The following MIPEP variants were observed in gnomAD, a reference collection of about 807,000 sequenced individuals.
MIPEP encodes mitochondrial intermediate peptidase.
Under a neutral mutation model 90.3 loss-of-function variants are expected in MIPEP, and 79 were observed. The ratio of observed to expected loss-of-function variants is 0.87; its 90% CI spans 0.73 to 1.05. The LOEUF (loss-of-function observed/expected upper bound fraction) is 1.05. Ranked by LOEUF, MIPEP falls within the 50% of genes least tolerant of loss-of-function variation. MIPEP has a pLI of 0.00. For missense variants in MIPEP, 940 were observed against 905.6 expected, an observed-to-expected ratio of 1.04 and a Z score of -0.49; for synonymous variants, 334 against 315.8, an observed-to-expected ratio of 1.06 and a Z score of -0.61.
At chr13:23,764,072 T>C (rs1310128579) in intron 16 of MIPEP, among the ~76,000 whole-genome samples, 4 of 152,232 alleles carry the variant, frequency 2.6e-5, no homozygotes, top group South Asian at 2.1e-4. Context: ...TAAGGGATAT[T>C]TGTCAGATGG....
In MIPEP at chr13:23,803,859, CTT is replaced by C. The variant is rs139217522; in HGVS notation, c.1848+2089_1848+2090del. Among the ~76,000 whole-genome samples the C allele has an allele frequency of 6.6e-5, 10 of 151,990 alleles. 1 individual carries two copies. ...ACAAATCTAAACAAACTCTCAGACA[CTT>C]TTTTTTAAAGGCAAGCCTTAAAATA... On this transcript the variant is annotated intron_variant, in intron 16 of 18. Coordinates refer to ENST00000382172, the MANE Select transcript of MIPEP (RefSeq NM_005932.4).
Position 23,866,544 on chromosome 13 carries a change from A to T in MIPEP, c.944-2355T>A, listed in dbSNP as rs1318823640. ...ACCTGGCCACAGCATGAGTCAGCTG[A>T]TCTCTCCCCTCTCCTGTAGACAGAC... is the stretch of plus-strand genomic sequence containing the variant. On this transcript the variant is annotated intron_variant, in intron 7 of 18. Coordinates refer to ENST00000382172, the MANE Select transcript of MIPEP (RefSeq NM_005932.4). Among the ~76,000 whole-genome samples the T allele has an allele frequency of 3.3e-5, 5 of 151,974 alleles. No homozygotes were observed. In the East Asian group the frequency reaches 9.7e-4, roughly 29 times the overall value.
At chr13:23,737,471 C>T (rs900200446) in intron 18 of MIPEP, among the ~76,000 whole-genome samples, 1 of 152,118 alleles carries the variant, frequency 6.6e-6, no homozygotes, top group African/African-American at 2.4e-5. Flanking sequence ...CAAACAGTAG[C>T]CTTCACATAT....
At chr13:23,841,513 C>T (rs772876640) in intron 10 of MIPEP, 25 bp from the exon 11 acceptor site, 6 of 1,573,588 alleles carry the variant, frequency 3.8e-6, no homozygotes, top group South Asian at 1.2e-5. Context: ...AGAGGTTCAA[C>T]AGCATCTTTG....
chr13:23,780,944 A>T (rs1952775872), intron 16 of MIPEP, among the ~76,000 whole-genome samples: 2 of 152,186 alleles, frequency 1.3e-5, no homozygotes, highest in Non-Finnish European at 2.9e-5. Context: ...CCAAGAAATA[A>T]GGGACTATGC....
At chr13:23,867,493 T>G (rs1285681910) in intron 7 of MIPEP, among the ~76,000 whole-genome samples, 1 of 152,142 alleles carries the variant, frequency 6.6e-6, no homozygotes, top group Non-Finnish European at 1.5e-5. Flanking sequence ...CCCTGTTCAG[T>G]TTTCTCCATG....
intron 14 of MIPEP, among the ~76,000 whole-genome samples, chr13:23,815,617 AT>A: frequency 6.6e-6 from 1 of 152,098 alleles, no homozygotes; most frequent in South Asian, 2.1e-4. Context: ...CCTATTTTTA[AT>A]TTTTTTCATT....
chr13:23,790,486 T>C (rs1211829655), intron 16 of MIPEP, among the ~76,000 whole-genome samples: 1 of 152,206 alleles, frequency 6.6e-6, no homozygotes, highest in Non-Finnish European at 1.5e-5. Context: ...GCAGATGTGA[T>C]TAAGCTAAAG....
chr13:23,836,176 C>A, intron 14 of MIPEP, 64 bp downstream of exon 14: 1 of 1,011,526 alleles, frequency 9.9e-7, no homozygotes, highest in South Asian at 1.8e-5. Context: ...TCAATTTATC[C>A]AGGATGTCAT....
intron 9 of MIPEP, 41 bp from the exon 10 acceptor site, chr13:23,858,953 C>A: frequency 6.4e-7 from 1 of 1,567,610 alleles, no homozygotes. Context: ...GCTACTGACT[C>A]TTTCATAGTT....
In MIPEP at chr13:23,770,597, C is replaced by A. The variant is rs141099892; in HGVS notation, c.1849-10380G>T. Among the ~76,000 whole-genome samples the A allele has an allele frequency of 3.6e-3, 542 of 152,110 alleles. 3 individuals are homozygous for A. Among genetic ancestry groups the A allele is most frequent in the African/African-American group, 0.012 (515 of 41,490 alleles). The stretch of plus-strand genomic sequence containing the variant: ...AATCAGGGCCTAACTCCCCTGCCTG[C>A]CAGCTTGGCCTCCCCCAGGTGCTCT... On this transcript the variant is annotated intron_variant, in intron 16 of 18. Transcript: ENST00000382172.
chr13:23,875,065 T>TACACACAC (rs1430658157), intron 4 of MIPEP, among the ~76,000 whole-genome samples, 156 bp from the exon 5 acceptor site: 2 of 102,710 alleles, frequency 1.9e-5, no homozygotes, highest in Non-Finnish European at 4.8e-5. Context: ...CACACACACT[T>TACACACAC]TGTTTTAAAC....
chr13:23,802,762 T>C (rs936323826), intron 16 of MIPEP, among the ~76,000 whole-genome samples: 4 of 152,180 alleles, frequency 2.6e-5, no homozygotes, highest in African/African-American at 9.7e-5. Flanking sequence ...GAAACTGTAC[T>C]TTGGGTGCCT....
intron 15 of MIPEP, among the ~76,000 whole-genome samples, chr13:23,809,444 A>T (rs1953147939): frequency 6.6e-6 from 1 of 151,770 alleles, no homozygotes; most frequent in African/African-American, 2.4e-5. Context: ...TCCCAGGTTC[A>T]AGCGATTCTC....
At chr13:23,888,235 A>C in intron 1 of MIPEP, 1 of 320,374 alleles carries the variant, frequency 3.1e-6, no homozygotes, top group East Asian at 8.8e-5. Flanking sequence ...CCAACACTAC[A>C]TACCCTTAAG....
At chr13:23,858,503 G>T (rs1018918832) in intron 10 of MIPEP, among the ~76,000 whole-genome samples, 1 of 144,700 alleles carries the variant, frequency 6.9e-6, no homozygotes, top group Non-Finnish European at 1.5e-5. Flanking sequence ...GGAAAATAAC[G>T]TAGTACCACG....
At position 23,814,623 on chromosome 13, in the gene MIPEP, C is replaced by T. The variant is rs117783455; in HGVS notation, c.1654-4699G>A. The stretch of plus-strand genomic sequence containing the variant: ...TATTAAGAATGCTATAAATCAAGAA[C>T]GTTTATATTAGCTAATTATGGTAAA... On this transcript the variant is annotated intron_variant, in intron 14 of 18. Coordinates refer to ENST00000382172, the MANE Select transcript of MIPEP (RefSeq NM_005932.4). 7.9e-5 allele frequency among the ~76,000 whole-genome samples: 12 copies of T among 152,220 alleles called. No homozygotes were observed. The South Asian group carries it at 8.3e-4, about 11-fold the overall frequency.
intron 10 of MIPEP, among the ~76,000 whole-genome samples, chr13:23,845,359 TGGG>T (rs1245842604): frequency 6.6e-6 from 1 of 152,146 alleles, no homozygotes; most frequent in African/African-American, 2.4e-5. Flanking sequence ...GAAGCATCAA[TGGG>T]GGAAGCATCC....
chr13:23,841,918 T>A (rs1288297384), intron 10 of MIPEP, among the ~76,000 whole-genome samples: 1 of 152,168 alleles, frequency 6.6e-6, no homozygotes, highest in African/African-American at 2.4e-5. Context: ...ATAAAAATCC[T>A]GAGGCACATT....
Sources: gnomAD v4.1 joint callset for allele counts (sites outside exome capture counted in the v4.1 genomes callset) on GRCh38, gnomAD v4.1.1 for gene constraint, MANE v1.5 for transcripts, NCBI Gene and HGNC (gene_info 2026-07-23, HGNC 2026-07-21) for gene names.